SLC17A7: variants seen among roughly 807,000 people sequenced by gnomAD.
SLC17A7 encodes the protein vesicular glutamate transporter 1.
A neutral mutation model predicts 59.1 loss-of-function variants in SLC17A7; 15 were observed. The ratio of observed to expected loss-of-function variants is 0.25; its 90% CI spans 0.17 to 0.39. The LOEUF (loss-of-function observed/expected upper bound fraction) is 0.39. Among genes scored for constraint, SLC17A7 ranks in the 10% least tolerant of loss-of-function variants. The pLI is 1.00. For missense variants in SLC17A7, 499 were observed against 765.1 expected (o/e 0.65, Z 4.10); for synonymous variants, 353 against 308.9 (o/e 1.14, Z -1.50).
At position 49,430,010 on chromosome 19, in the gene SLC17A7, C is replaced by T. The variant is rs1454882004; in HGVS notation, c.*509G>A. 2 of 166,458 alleles carry T rather than the reference C, an allele frequency of 1.2e-5. No individual in the cohort carries two copies. Among genetic ancestry groups the T allele is most frequent in the Admixed American group, 1.3e-4 (2 of 15,616 alleles). 10.3% of individuals were successfully genotyped at this position (166,458 alleles called of 1,614,324 possible). ...ATCAGAAACGCTGGTGAGAATCAAT[C>T]CCTGGAATGGCGGGGACGAGTAATT... On this transcript the variant is annotated 3_prime_UTR_variant, in exon 12 of 12. Transcript: ENST00000221485.
chr19:49,433,781 C>A lies in SLC17A7; in HGVS notation c.812G>T (p.Arg271Leu). Reference sequence around the variant, plus strand: ...TCCGATGGCGTCCTCGATGTACTTGCGCTCCTCCTCCGAGATGCTGGGGTG... The same window carrying A: ...TCCGATGGCGTCCTCGATGTACTTGAGCTCCTCCTCCGAGATGCTGGGGTG... The part of the protein sequence containing the change: ...ALHPSISEEE[R>L]KYIEDAIGES... Residue 271 changes from arginine to leucine, a missense_variant, in exon 7 of 12, where the codon CGC (arginine) becomes CTC (leucine). Physicochemically the swap from Arg to Leu is moderately radical, Grantham distance 102. Coordinates refer to ENST00000221485, the MANE Select transcript of SLC17A7 (RefSeq NM_020309.4). This position sits in a 1 kb window ranked among gnomAD's most constrained non-coding sequence, Gnocchi z 5.7. The A allele has an allele frequency of 1.2e-6, 2 of 1,614,052 alleles. No homozygotes were observed. Among genetic ancestry groups the A allele is most frequent in the Non-Finnish European group, 1.7e-6 (2 of 1,179,994 alleles).
Position 49,434,019 on chromosome 19 carries a change from A to T in SLC17A7, c.665T>A (p.Met222Lys). 4 of 1,613,412 alleles carry T rather than the reference A, an allele frequency of 2.5e-6. No homozygotes were observed. The highest frequency in any genetic ancestry group is 3.4e-6 in the Non-Finnish European group (4 of 1,179,788). The change falls in exon 6 of 12, where the codon ATG (methionine) becomes AAG (lysine). Residue 222 changes from methionine to lysine, a missense_variant. Transcript: ENST00000221485. ...CTGCACAAGGACCCCGGCGAGGGGC[A>T]TCGCGACCACCGCCCCAGCATAGGA... ...CGSYAGAVVA[M>K]PLAGVLVQYS...
chr19:49,431,266 C>T lies in SLC17A7; in HGVS notation c.1261+72G>A, dbSNP rs2078958289. 6.3e-7 allele frequency: 1 copy of T among 1,584,618 alleles called. No individual in the cohort carries two copies. The highest frequency in any genetic ancestry group is 1.1e-5 in the South Asian group (1 of 88,622). ...TCCACCTTTTGTGAGGCTGAGAGGC[C>T]CCGTTCCTGAGCCAGGAAGTTCCCT... On this transcript the variant is annotated intron_variant, in intron 10 of 11. Coordinates refer to ENST00000221485, the MANE Select transcript of SLC17A7 (RefSeq NM_020309.4). The surrounding 1 kb of genome is among the most constrained non-coding windows in gnomAD (Gnocchi z 4.6).
At position 49,431,880 on chromosome 19, in the gene SLC17A7, C is replaced by A. The variant is rs1017309664; in HGVS notation, c.1151-432G>T. On this transcript the variant is annotated intron_variant, in intron 9 of 11. Coordinates refer to ENST00000221485, the MANE Select transcript of SLC17A7 (RefSeq NM_020309.4). The surrounding 1 kb of genome is among the most constrained non-coding windows in gnomAD (Gnocchi z 4.6). ...TCTCAAACTCCTGAGCTCAAGTGATCCACCGGCCTTCGCCTCCGAAAGTGC... is the reference window on the plus strand; with the variant it reads ...TCTCAAACTCCTGAGCTCAAGTGATACACCGGCCTTCGCCTCCGAAAGTGC... Among the ~76,000 whole-genome samples, 1 of 152,110 alleles carries A rather than the reference C, an allele frequency of 6.6e-6. No individual in the cohort carries two copies. The highest frequency in any genetic ancestry group is 2.4e-5 in the African/African-American group (1 of 41,390).
At position 49,431,160 on chromosome 19, in the gene SLC17A7, C is replaced by T. The variant is rs780455901; in HGVS notation, c.1262-18G>A. On this transcript the variant is annotated intron_variant, in intron 10 of 11. Transcript: ENST00000221485. This position sits in a 1 kb window ranked among gnomAD's most constrained non-coding sequence, Gnocchi z 4.6. Reference sequence around the variant, plus strand: ...GTTGAACCCTGGCGGAGAGACAAGTCGGAAGGCGTCACACCGGAATCTCAC... The same window carrying T: ...GTTGAACCCTGGCGGAGAGACAAGTTGGAAGGCGTCACACCGGAATCTCAC... 2.1e-5 allele frequency: 34 copies of T among 1,608,404 alleles called. No homozygotes were observed. The African/African-American group carries it at 3.1e-4, about 15-fold the overall frequency.
At chr19:49,439,765 C>CG (rs1477926581) in intron 1 of SLC17A7, among the ~76,000 whole-genome samples, 2 of 152,238 alleles carry the variant, frequency 1.3e-5, no homozygotes, top group Admixed American at 6.5e-5. Flanking sequence ...GGCCAGAGCC[C>CG]GGGGGTCTCT....
At position 49,439,606 on chromosome 19, in the gene SLC17A7, CA is replaced by C. The variant is rs145738524; in HGVS notation, c.62+1711del. ...TCTCCCCAACCCCAGAATGGAGCCT[CA>C]GTTTCCCCATCTTTGTCTAGAGGAT... On this transcript the variant is annotated intron_variant, in intron 1 of 11. Coordinates refer to ENST00000221485, the MANE Select transcript of SLC17A7 (RefSeq NM_020309.4). Among the ~76,000 whole-genome samples the C allele has an allele frequency of 3.9e-4, 60 of 152,346 alleles. No individual in the cohort carries two copies. In the East Asian group the frequency reaches 0.011, roughly 27 times the overall value.
In SLC17A7 at chr19:49,430,535, G is replaced by A. The variant is rs754987709; in HGVS notation, c.1667C>T (p.Pro556Leu). The A allele has an allele frequency of 8.2e-6, 13 of 1,582,598 alleles. No homozygotes were observed. The highest frequency in any genetic ancestry group is 1.1e-5 in the Non-Finnish European group (13 of 1,163,258). The change falls in exon 12 of 12, where the codon CCT (proline) becomes CTT (leucine). Residue 556 changes from proline (P) to leucine (L), a missense_variant. Pro to Leu is a moderately conservative substitution (Grantham distance 98). Around this residue, in one of 3 missense-constraint regions of SLC17A7, gnomAD observed 98 missense variants for 77.5 expected, o/e 1.27. Coordinates refer to ENST00000221485, the MANE Select transcript of SLC17A7 (RefSeq NM_020309.4). Reference sequence around the variant, plus strand: ...GGCACATGGTCAGTAGTCCCGGACAGGGGGTGGGGGCCTGGGGGGCTGAAA... The same window carrying A: ...GGCACATGGTCAGTAGTCCCGGACAAGGGGTGGGGGCCTGGGGGGCTGAAA... ...STFQPPRPPP[P>L]VRDY
rs1457101791 is a variant in SLC17A7 at position 49,441,415 on chromosome 19, C to T, written c.-36G>A. ...CCTGCCGCCGGTCACCCCGCGGGTCCCCCCCGCCGATCCCCCCGCCCGCGG... is the reference window on the plus strand; with the variant it reads ...CCTGCCGCCGGTCACCCCGCGGGTCTCCCCCGCCGATCCCCCCGCCCGCGG... On this transcript the variant is annotated 5_prime_UTR_variant, in exon 1 of 12. Coordinates refer to ENST00000221485, the MANE Select transcript of SLC17A7 (RefSeq NM_020309.4). The T allele has an allele frequency of 1.4e-6, 2 of 1,445,512 alleles. No homozygotes were observed. Among genetic ancestry groups the T allele is most frequent in the Admixed American group, 2.5e-5 (1 of 40,458 alleles). The allele number at this position is 1,445,512 out of a possible 1,614,324, so 89.5% of individuals were successfully genotyped here. A position where few individuals can be genotyped will look rare whatever the true frequency, so the allele number is the denominator to read the frequency against.
At chr19:49,440,033 G>C (rs1449826467) in intron 1 of SLC17A7, among the ~76,000 whole-genome samples, 3 of 152,146 alleles carry the variant, frequency 2.0e-5, no homozygotes, top group Non-Finnish European at 4.4e-5. Flanking sequence ...ATTGGAAAAA[G>C]AAGGGGTGAG....
At position 49,429,910 on chromosome 19, in the gene SLC17A7, G is replaced by C. The variant is rs543130074; in HGVS notation, c.*609C>G. 6.4e-5 allele frequency: 15 copies of C among 232,980 alleles called. No individual in the cohort carries two copies. Among genetic ancestry groups the C allele is most frequent in the Non-Finnish European group, 1.1e-4 (13 of 120,518 alleles). The allele number at this position is 232,980 out of a possible 1,614,324, so 14.4% of individuals were successfully genotyped here. A position where few individuals can be genotyped will look rare whatever the true frequency, so the allele number is the denominator to read the frequency against. ...GGAGAAGAGGGTCTTGAGAAATTTG[G>C]TGCTTTCGCAGAATCTGCTGGTAGG... On this transcript the variant is annotated 3_prime_UTR_variant, in exon 12 of 12. Coordinates refer to ENST00000221485, the MANE Select transcript of SLC17A7 (RefSeq NM_020309.4).
Position 49,433,885 on chromosome 19 carries a change from G to C in SLC17A7, c.725-17C>G. The C allele has an allele frequency of 1.2e-6, 2 of 1,611,440 alleles. No homozygotes were observed. The highest frequency in any genetic ancestry group is 1.7e-6 in the Non-Finnish European group (2 of 1,178,254). Reference sequence around the variant, plus strand: ...CGAAGCTGCCTGGGGGGGTCAGGAGGGGGATGGGAGCGAGGTGAGGACCGG... The same window carrying C: ...CGAAGCTGCCTGGGGGGGTCAGGAGCGGGATGGGAGCGAGGTGAGGACCGG... On this transcript the variant is annotated splice_polypyrimidine_tract_variant and intron_variant, in intron 6 of 11. Coordinates refer to ENST00000221485, the MANE Select transcript of SLC17A7 (RefSeq NM_020309.4). This position sits in a 1 kb window ranked among gnomAD's most constrained non-coding sequence, Gnocchi z 5.7.
chr19:49,432,339 C>A (rs1299321704), intron 9 of SLC17A7, among the ~76,000 whole-genome samples, 180 bp downstream of exon 9: 1 of 152,176 alleles, frequency 6.6e-6, no homozygotes, highest in Admixed American at 6.5e-5. Context: ...GCGTGACAGT[C>A]CCTTTCATCC....
intron 1 of SLC17A7, 149 bp downstream of exon 1, chr19:49,441,169 G>A: frequency 2.0e-6 from 3 of 1,467,964 alleles, no homozygotes. Context: ...GGAGAACAGC[G>A]CCGTCGGAGC....
At position 49,430,647 on chromosome 19, in the gene SLC17A7, T is replaced by TGCCA. The variant is rs756575332; in HGVS notation, c.1551_1554dup (p.Ser519TrpfsTer3). 6.2e-7 allele frequency: 1 copy of TGCCA among 1,614,092 alleles called. No individual in the cohort carries two copies. The highest frequency in any genetic ancestry group is 2.2e-5 in the East Asian group (1 of 44,878). On this transcript the variant is annotated frameshift_variant, in exon 12 of 12. Coordinates refer to ENST00000221485, the MANE Select transcript of SLC17A7 (RefSeq NM_020309.4). LOFTEE classifies it high-confidence loss of function. ...TCATCCTCCATTTCGCTGTCGTCAC[T>TGCCA]GCCAGCCAGCTGGTCATGGCCAACG...
chr19:49,432,029 C>A (rs140243947), intron 9 of SLC17A7, among the ~76,000 whole-genome samples: 88 of 152,308 alleles, frequency 5.8e-4, no homozygotes, highest in African/African-American at 2.0e-3. Flanking sequence ...GCGATCATAG[C>A]TCACTGCGGC....
chr19:49,431,144 T>C lies in SLC17A7; in HGVS notation c.1262-2A>G. The C allele has an allele frequency of 6.2e-7, 1 of 1,612,310 alleles. No individual in the cohort carries two copies. Among genetic ancestry groups the C allele is most frequent in the Non-Finnish European group, 8.5e-7 (1 of 1,178,902 alleles). On this transcript the variant is annotated splice_acceptor_variant, in intron 10 of 11. Transcript: ENST00000221485. LOFTEE classifies it high-confidence loss of function. This position sits in a 1 kb window ranked among gnomAD's most constrained non-coding sequence, Gnocchi z 4.6. ...TGTCCAGGTGGTTCACGTTGAACCCTGGCGGAGAGACAAGTCGGAAGGCGT... is the reference window on the plus strand; with the variant it reads ...TGTCCAGGTGGTTCACGTTGAACCCCGGCGGAGAGACAAGTCGGAAGGCGT...
Position 49,431,562 on chromosome 19 carries a change from A to G in SLC17A7, c.1151-114T>C, listed in dbSNP as rs1248270657. The G allele has an allele frequency of 4.9e-6, 4 of 822,838 alleles. No individual in the cohort carries two copies. The highest frequency in any genetic ancestry group is 2.4e-5 in the Admixed American group (1 of 41,022). The allele number at this position is 822,838 out of a possible 1,614,324, so 51.0% of individuals were successfully genotyped here. On this transcript the variant is annotated intron_variant, in intron 9 of 11. Transcript: ENST00000221485. This position sits in a 1 kb window ranked among gnomAD's most constrained non-coding sequence, Gnocchi z 4.6. ...GCCCCAAACCGCGTCTATCCACCCC[A>G]GTCTGGCCACCTCCACGCCCAGGCC...
Position 49,431,226 on chromosome 19 carries a change from C to T in SLC17A7, c.1262-84G>A, listed in dbSNP as rs2078958165. The T allele has an allele frequency of 6.4e-7, 1 of 1,566,298 alleles. No individual in the cohort carries two copies. Among genetic ancestry groups the T allele is most frequent in the African/African-American group, 1.3e-5 (1 of 74,372 alleles). On this transcript the variant is annotated intron_variant, in intron 10 of 11. Coordinates refer to ENST00000221485, the MANE Select transcript of SLC17A7 (RefSeq NM_020309.4). The surrounding 1 kb of genome is among the most constrained non-coding windows in gnomAD (Gnocchi z 4.6). ...TGGGACGTTCTCAACCCTCTCCCCT[C>T]CCCGCCACTCATGTTCCACCTTTTG...
Sources: gnomAD v4.1 joint callset for allele counts (sites outside exome capture counted in the v4.1 genomes callset) on GRCh38, gnomAD v4.1.1 for gene constraint, gnomAD v4.1.1 regional missense constraint, Gnocchi (gnomAD v3.1) non-coding constraint, MANE v1.5 for transcripts, NCBI Gene and HGNC (gene_info 2026-07-23, HGNC 2026-07-21) for gene names.